Variants in EYA4 observed in about 807,000 individuals in gnomAD.
EYA4 encodes the protein protein phosphatase EYA4.
Under a neutral mutation model 87.9 loss-of-function variants are expected in EYA4, and 31 were observed. The observed-to-expected ratio is 0.35, with a 90% CI of 0.27 to 0.48. The LOEUF (loss-of-function observed/expected upper bound fraction) is 0.48, where lower values mean the gene tolerates loss of function less well. Among genes scored for constraint, EYA4 ranks in the 20% least tolerant of loss-of-function variants. The probability of loss-of-function intolerance (pLI) is 0.99; values close to 1 mark genes in which losing one functional copy is unlikely to be tolerated. For missense variants in EYA4, 678 were observed against 761.4 expected (o/e 0.89, Z 1.29); for synonymous variants, 263 against 270.6 (o/e 0.97, Z 0.28).
chr6:133,318,005 C>A (rs1263912087), intron 2 of EYA4, among the ~76,000 whole-genome samples: 1 of 152,036 alleles, frequency 6.6e-6, no homozygotes, highest in Non-Finnish European at 1.5e-5. Flanking sequence ...ACAAGTGCAG[C>A]CTTTATCTCA....
intron 2 of EYA4, among the ~76,000 whole-genome samples, chr6:133,329,041 T>A (rs1781719249): frequency 6.6e-6 from 1 of 152,102 alleles, no homozygotes; most frequent in Non-Finnish European, 1.5e-5. Context: ...AGCAGAAGCC[T>A]CTGTTAGGGT....
chr6:133,279,712 C>T (rs986726414), intron 2 of EYA4, among the ~76,000 whole-genome samples: 40 of 152,038 alleles, frequency 2.6e-4, no homozygotes, highest in Admixed American at 2.1e-3. Flanking sequence ...TTTGATTAGT[C>T]CTCAGATCTT....
intron 11 of EYA4, among the ~76,000 whole-genome samples, chr6:133,476,599 A>G (rs1795756283): frequency 6.6e-6 from 1 of 152,104 alleles, no homozygotes; most frequent in African/African-American, 2.4e-5. Flanking sequence ...TTTTAAGGCC[A>G]AACATTATTC....
chr6:133,363,074 G>A (rs1456441257), intron 2 of EYA4: 5 of 152,318 alleles, frequency 3.3e-5, no homozygotes, highest in African/African-American at 9.6e-5. Flanking sequence ...GCTGAATTCA[G>A]CCAAGGTGGT....
At position 133,462,687 on chromosome 6, in the gene EYA4, A is replaced by G. The variant is rs751512877; in HGVS notation, c.647A>G (p.Gln216Arg). 11 of 1,613,850 alleles carry G rather than the reference A, an allele frequency of 6.8e-6. No individual in the cohort carries two copies. Among genetic ancestry groups the G allele is most frequent in the Non-Finnish European group, 9.3e-6 (11 of 1,179,832 alleles). The change falls in exon 9 of 20, where the codon CAG becomes CGG. Residue 216 changes from glutamine to arginine, a missense_variant. Coordinates refer to ENST00000355286, the MANE Select transcript of EYA4 (RefSeq NM_004100.5). Reference sequence around the variant, plus strand: ...CTTTCCCAAACTCAGTCCCCATTACAGAGTGGCTGCCTCAGTTACAGCCCA... The same window carrying G: ...CTTTCCCAAACTCAGTCCCCATTACGGAGTGGCTGCCTCAGTTACAGCCCA... Reference protein sequence around the residue: ...SGLSQTQSPLQSGCLSYSPGF... With the variant: ...SGLSQTQSPLRSGCLSYSPGF...
rs1325966215 is a variant in EYA4, at chr6:133,531,732, G to A, written c.*2927G>A. On this transcript the variant is annotated 3_prime_UTR_variant, in exon 20 of 20. Transcript: ENST00000355286. The stretch of plus-strand genomic sequence containing the variant: ...CATACAGTTTGCACACGACAAGTAG[G>A]TAATAACTGTCTCTAAAAATGTTTT... The A allele has an allele frequency of 6.5e-6, 1 of 152,720 alleles. No homozygotes were observed. The highest frequency in any genetic ancestry group is 1.9e-4 in the East Asian group (1 of 5,212). The allele number at this position is 152,720 out of a possible 1,614,324, so 9.5% of individuals were successfully genotyped here. A position where few individuals can be genotyped will look rare whatever the true frequency, so the allele number is the denominator to read the frequency against.
At chr6:133,468,889 G>A (rs927486081) in intron 11 of EYA4, 158 bp downstream of exon 11, 12 of 752,566 alleles carry the variant, frequency 1.6e-5, no homozygotes, top group African/African-American at 1.4e-4. Context: ...GGCTCTTCTG[G>A]CATTTCAGAA....
chr6:133,296,264 G>A (rs1219559246), intron 2 of EYA4, among the ~76,000 whole-genome samples: 1 of 152,214 alleles, frequency 6.6e-6, no homozygotes, highest in East Asian at 1.9e-4. Flanking sequence ...AGGTCCAAGA[G>A]GTGGTGTGGT....
At chr6:133,428,318 T>C (rs1194217576) in intron 3 of EYA4, among the ~76,000 whole-genome samples, 1 of 152,134 alleles carries the variant, frequency 6.6e-6, no homozygotes, top group Non-Finnish European at 1.5e-5. Flanking sequence ...GCTTACCTCA[T>C]TGAGATGAAA....
intron 1 of EYA4, among the ~76,000 whole-genome samples, chr6:133,263,418 C>A (rs1158475550): frequency 6.6e-6 from 1 of 151,860 alleles, no homozygotes; most frequent in Non-Finnish European, 1.5e-5. Context: ...TCGGTCAGTT[C>A]TCTTCTGTCT....
At chr6:133,477,549 TCTCA>T (rs1795847815) in intron 11 of EYA4, among the ~76,000 whole-genome samples, 1 of 152,044 alleles carries the variant, frequency 6.6e-6, no homozygotes, top group Admixed American at 6.6e-5. Flanking sequence ...AAATATTTTC[TCTCA>T]CTCTAGTAGG....
intron 2 of EYA4, among the ~76,000 whole-genome samples, chr6:133,350,491 C>G (rs1158034405): frequency 6.6e-6 from 1 of 151,868 alleles, no homozygotes; most frequent in African/African-American, 2.4e-5. Flanking sequence ...GAAAGGCAAC[C>G]GTTCAAATAT....
chr6:133,520,813 A>G (rs1021252191), intron 17 of EYA4, among the ~76,000 whole-genome samples: 13 of 152,012 alleles, frequency 8.6e-5, no homozygotes, highest in Middle Eastern at 3.4e-3. Context: ...AACACCGCCT[A>G]TCTACAACTA....
chr6:133,383,517 CAAAAAAAAAAAAA>C (rs768724484), intron 3 of EYA4, among the ~76,000 whole-genome samples: 46 of 45,244 alleles, frequency 1.0e-3, no homozygotes, highest in Non-Finnish European at 1.5e-3. Context: ...GACTCCATCT[CAAAAAAAAAAAAA>C]AAAAAAAAAA....
At chr6:133,483,707 AT>A (rs1562474366) in intron 13 of EYA4, among the ~76,000 whole-genome samples, 1 of 96,444 alleles carries the variant, frequency 1.0e-5, no homozygotes, top group African/African-American at 4.9e-5. Context: ...TGTTATTATT[AT>A]TATTATTATT....
chr6:133,462,098 T>C, intron 7 of EYA4: 1 of 535,654 alleles, frequency 1.9e-6, no homozygotes, highest in Non-Finnish European at 3.4e-6. Context: ...ATTTCTACTT[T>C]TACAGGTGTG....
chr6:133,277,717 C>T (rs909509114), intron 2 of EYA4, among the ~76,000 whole-genome samples: 4 of 152,218 alleles, frequency 2.6e-5, no homozygotes, highest in South Asian at 4.1e-4. Context: ...CTCCTTCCCT[C>T]TCCCAGCTTT....
chr6:133,420,131 C>T (rs1790087766), intron 3 of EYA4, among the ~76,000 whole-genome samples: 1 of 151,632 alleles, frequency 6.6e-6, no homozygotes, highest in Non-Finnish European at 1.5e-5. Flanking sequence ...TTTAGTACAA[C>T]ACCAAAAAAA....
chr6:133,422,335 G>T (rs1190485857), intron 3 of EYA4, among the ~76,000 whole-genome samples: 3 of 152,118 alleles, frequency 2.0e-5, no homozygotes, highest in Non-Finnish European at 2.9e-5. Flanking sequence ...TATATAATAT[G>T]CTTTTGCCAG....
Sources: allele counts gnomAD v4.1 joint callset (sites outside exome capture counted in the v4.1 genomes callset), GRCh38; gene constraint gnomAD v4.1.1; transcripts MANE v1.5; gene names NCBI Gene and HGNC (gene_info 2026-07-23, HGNC 2026-07-21).